The following CEP112 variants were observed in gnomAD, a reference collection of about 807,000 sequenced individuals.
CEP112 encodes centrosomal protein 112, also known as centrosomal protein of 112 kDa.
In CEP112, 127 loss-of-function variants were observed where a neutral mutation model predicts 153.0. The observed-to-expected ratio is 0.83, with a 90% CI of 0.72 to 0.96. The LOEUF (loss-of-function observed/expected upper bound fraction) is 0.96, where lower values mean the gene tolerates loss of function less well. Among genes scored for constraint, CEP112 ranks in the 40% least tolerant of loss-of-function variants. The pLI is 0.00. For missense variants in CEP112, 1,089 were observed against 1,101.2 expected (o/e 0.99, Z 0.16); for synonymous variants, 358 against 374.4 (o/e 0.96, Z 0.51).
At chr17:65,682,953 T>C (rs1000756988) in intron 24 of CEP112, among the ~76,000 whole-genome samples, 1 of 152,234 alleles carries the variant, frequency 6.6e-6, no homozygotes, top group Non-Finnish European at 1.5e-5. Context: ...TGTGGGAAGA[T>C]ATTTTACTAA....
At chr17:65,744,167 T>C (rs2051299190) in intron 22 of CEP112, among the ~76,000 whole-genome samples, 2 of 152,224 alleles carry the variant, frequency 1.3e-5, no homozygotes, top group South Asian at 4.1e-4. Context: ...ATTTGAACCA[T>C]GCAGTCAGAC....
chr17:66,096,467 A>T, intron 7 of CEP112, 118 bp downstream of exon 7: 1 of 1,147,048 alleles, frequency 8.7e-7, no homozygotes, highest in Non-Finnish European at 1.3e-6. Context: ...AAGTGATAAA[A>T]TTCAAAAACT....
Position 65,635,740 on chromosome 17 carries a change from C to A in CEP112, c.*231G>T. The A allele has an allele frequency of 1.8e-6, 1 of 566,634 alleles. No homozygotes were observed. Among genetic ancestry groups the A allele is most frequent in the Non-Finnish European group, 3.1e-6 (1 of 323,664 alleles). The allele number at this position is 566,634 out of a possible 1,614,324, so 35.1% of individuals were successfully genotyped here. A position where few individuals can be genotyped will look rare whatever the true frequency, so the allele number is the denominator to read the frequency against. On this transcript the variant is annotated 3_prime_UTR_variant, in exon 27 of 27. Coordinates refer to ENST00000535342, the MANE Select transcript of CEP112 (RefSeq NM_001199165.4). ...AGTTCTCAGCACATACTCAAATGCA[C>A]ACAAACATGAAAATCGGAAATAAAG...
Position 66,127,556 on chromosome 17 carries a change from A to G in CEP112, c.642+2190T>C, listed in dbSNP as rs187030565. Among the ~76,000 whole-genome samples, 117 of 151,828 alleles carry G rather than the reference A, an allele frequency of 7.7e-4. 2 individuals are homozygous for G. In the South Asian group the frequency reaches 8.5e-3, roughly 11 times the overall value. On this transcript the variant is annotated intron_variant, in intron 6 of 26. Transcript: ENST00000535342. ...GAGGCCCACATTACTTTAATTTCCT[A>G]TCCATTTCCCAACCTTCTAACTGTG...
At chr17:66,011,190 G>T (rs942118886) in intron 16 of CEP112, among the ~76,000 whole-genome samples, 1 of 152,026 alleles carries the variant, frequency 6.6e-6, no homozygotes, top group African/African-American at 2.4e-5. Context: ...GTATTGGGAA[G>T]TATTCTTGTA....
intron 24 of CEP112, chr17:65,655,288 G>A (rs984615288): frequency 2.2e-6 from 3 of 1,381,466 alleles, no homozygotes; most frequent in Non-Finnish European, 3.1e-6. Flanking sequence ...GGTGCAGGCT[G>A]AGCGACCGCA....
chr17:65,998,529 T>C (rs1014948506), intron 17 of CEP112, among the ~76,000 whole-genome samples: 2 of 146,368 alleles, frequency 1.4e-5, no homozygotes, highest in Admixed American at 6.9e-5. Context: ...TGTACCTCAA[T>C]AAAGCTATTT....
rs528509095 is a variant in CEP112 at position 65,819,777 on chromosome 17, A to G, written c.2394+32027T>C. On this transcript the variant is annotated intron_variant, in intron 21 of 26. Transcript: ENST00000535342. ...AATAACCAGCAGCTAGCACACTTCAAAAGCGTCAAAGTCATGAAAGATCAG... is the reference window on the plus strand; with the variant it reads ...AATAACCAGCAGCTAGCACACTTCAGAAGCGTCAAAGTCATGAAAGATCAG... 3.1e-4 allele frequency among the ~76,000 whole-genome samples: 47 copies of G among 152,172 alleles called. No individual in the cohort carries two copies. In the South Asian group the frequency reaches 9.7e-3, roughly 32 times the overall value.
intron 4 of CEP112, among the ~76,000 whole-genome samples, chr17:66,166,903 C>CAA (rs10714039): frequency 2.4e-4 from 21 of 88,474 alleles, no homozygotes; most frequent in Admixed American, 4.9e-4. Flanking sequence ...GACTCCATCT[C>CAA]AAAAAAAAAA....
chr17:65,813,490 C>G (rs1202817147), intron 21 of CEP112, among the ~76,000 whole-genome samples: 1 of 152,144 alleles, frequency 6.6e-6, no homozygotes, highest in Non-Finnish European at 1.5e-5. Flanking sequence ...CTATCTGAGC[C>G]AACAGATGGT....
chr17:66,076,173 G>A (rs1274337512), intron 8 of CEP112, among the ~76,000 whole-genome samples: 1 of 152,154 alleles, frequency 6.6e-6, no homozygotes, highest in Non-Finnish European at 1.5e-5. Context: ...GCTGAACTTT[G>A]TAACAATTTG....
chr17:65,893,334 C>G (rs1231869068), intron 20 of CEP112, among the ~76,000 whole-genome samples: 1 of 152,106 alleles, frequency 6.6e-6, no homozygotes, highest in African/African-American at 2.4e-5. Flanking sequence ...TAATACTTGA[C>G]TTCATACCTA....
intron 24 of CEP112, among the ~76,000 whole-genome samples, chr17:65,680,127 G>A (rs999359859): frequency 7.2e-5 from 11 of 152,106 alleles, no homozygotes; most frequent in African/African-American, 1.7e-4. Context: ...TGGGTGCCAC[G>A]GGCAGGGCAC....
At chr17:65,744,074 T>C (rs2051293928) in intron 22 of CEP112, among the ~76,000 whole-genome samples, 3 of 151,994 alleles carry the variant, frequency 2.0e-5, no homozygotes, top group African/African-American at 7.2e-5. Context: ...GCCTATCTTT[T>C]ATAAATGAGG....
intron 17 of CEP112, among the ~76,000 whole-genome samples, chr17:65,972,012 C>T (rs1210050286): frequency 6.6e-6 from 1 of 152,086 alleles, no homozygotes; most frequent in African/African-American, 2.4e-5. Context: ...GAATAAAGAG[C>T]TAGGATAACT....
At position 66,106,446 on chromosome 17, in the gene CEP112, G is replaced by A. The variant is rs573354688; in HGVS notation, c.643-9814C>T. Among the ~76,000 whole-genome samples, 44 of 152,118 alleles carry A rather than the reference G, an allele frequency of 2.9e-4. No individual in the cohort carries two copies. In the South Asian group the frequency reaches 8.7e-3, roughly 30 times the overall value. On this transcript the variant is annotated intron_variant, in intron 6 of 26. Coordinates refer to ENST00000535342, the MANE Select transcript of CEP112 (RefSeq NM_001199165.4). Reference sequence around the variant, plus strand: ...GAGAAGATTCAAATAAATAAAATCAGAGATGAAAAAGAGACATTACAACTG... The same window carrying A: ...GAGAAGATTCAAATAAATAAAATCAAAGATGAAAAAGAGACATTACAACTG...
chr17:65,913,391 G>A, intron 19 of CEP112: 2 of 560,290 alleles, frequency 3.6e-6, no homozygotes, highest in South Asian at 7.8e-5. Flanking sequence ...TCTTCTCTGA[G>A]TCCTTGGAGT....
At chr17:65,835,918 C>T (rs1471420688) in intron 21 of CEP112, among the ~76,000 whole-genome samples, 2 of 152,058 alleles carry the variant, frequency 1.3e-5, no homozygotes, top group African/African-American at 2.4e-5. Context: ...CAATAATTGG[C>T]TAAGAGGCAA....
chr17:65,717,799 G>A (rs1292983779), intron 23 of CEP112, among the ~76,000 whole-genome samples: 2 of 152,198 alleles, frequency 1.3e-5, no homozygotes, highest in African/African-American at 4.8e-5. Context: ...GTGGCTGAAG[G>A]TGAAAATGTT....
Sources: gnomAD v4.1 joint callset for allele counts (sites outside exome capture counted in the v4.1 genomes callset) on GRCh38, gnomAD v4.1.1 for gene constraint, MANE v1.5 for transcripts, NCBI Gene and HGNC (gene_info 2026-07-23, HGNC 2026-07-21) for gene names.